FKBP7: variants seen among roughly 807,000 people sequenced by gnomAD.
FKBP7 encodes FKBP prolyl isomerase 7.
In FKBP7, 24 loss-of-function variants were observed where a neutral mutation model predicts 24.3. The ratio of observed to expected loss-of-function variants is 0.99; its 90% confidence interval spans 0.72 to 1.39. The LOEUF is 1.39. Ranked by LOEUF, FKBP7 falls within the 40% of genes most tolerant of loss-of-function variation. The pLI is 0.00. For synonymous variants in FKBP7, 98 were observed against 92.8 expected (o/e 1.06, Z -0.32); for missense variants, 257 against 269.5 (o/e 0.95, Z 0.33).
At chr2:178,473,709 A>G (rs1009052860) in intron 2 of FKBP7, among the ~76,000 whole-genome samples, 6 of 152,234 alleles carry the variant, frequency 3.9e-5, no homozygotes, top group Non-Finnish European at 8.8e-5. Flanking sequence ...GACAGAAAGG[A>G]AAACTTTGAA....
chr2:178,478,289 A>G lies in FKBP7; in HGVS notation c.211T>C (p.Phe71Leu). The change falls in exon 1 of 4, where the codon TTC becomes CTC. Residue 71 changes from phenylalanine to leucine, a missense_variant. By Grantham distance (22) the Phe-to-Leu change is conservative (BLOSUM62 0). Coordinates refer to ENST00000424785, the MANE Select transcript of FKBP7 (RefSeq NM_181342.3). ...CGCAGCATTTCCTACCTGCAGTAGA[A>G]TTTCGAGCCGTCTTTAGCCAGGTAG... ...DGYLAKDGSKFYCSRTQNEGH... is the reference protein window; with the variant it reads ...DGYLAKDGSKLYCSRTQNEGH... 2 of 1,614,012 alleles carry G rather than the reference A, an allele frequency of 1.2e-6. No homozygotes were observed. Among genetic ancestry groups the G allele is most frequent in the Non-Finnish European group, 1.7e-6 (2 of 1,179,996 alleles).
intron 2 of FKBP7, among the ~76,000 whole-genome samples, chr2:178,475,690 T>C (rs1022111529): frequency 1.3e-5 from 2 of 152,252 alleles, no homozygotes; most frequent in Non-Finnish European, 2.9e-5. Context: ...ATGAATAAAA[T>C]TAAGTATTCT....
Position 178,464,511 on chromosome 2 carries a change from C to G in FKBP7, c.*1259G>C, listed in dbSNP as rs933860413. ...GGGAGAATGAATGCAAGAGGAACTA[C>G]CAAACACTTATAAAACCATCAGATT... On this transcript the variant is annotated 3_prime_UTR_variant, in exon 4 of 4. Transcript: ENST00000424785. 6.6e-6 allele frequency: 1 copy of G among 152,134 alleles called. No homozygotes were observed. The highest frequency in any genetic ancestry group is 1.5e-5 in the Non-Finnish European group (1 of 68,038). The allele number at this position is 152,134 out of a possible 1,614,324, so 9.4% of individuals were successfully genotyped here.
At chr2:178,469,532 C>T in intron 3 of FKBP7, 120 bp downstream of exon 3, 2 of 1,023,316 alleles carry the variant, frequency 2.0e-6, no homozygotes, top group Non-Finnish European at 2.9e-6. Flanking sequence ...GTGACCAGCT[C>T]TATAAAAGCA....
chr2:178,474,105 C>T (rs186937995), intron 2 of FKBP7, among the ~76,000 whole-genome samples: 119 of 152,300 alleles, frequency 7.8e-4, no homozygotes, highest in Non-Finnish European at 3.4e-4. Context: ...ACAACTGCCT[C>T]AAAGAAGGCA....
chr2:178,473,213 G>T, intron 2 of FKBP7: 1 of 627,296 alleles, frequency 1.6e-6, no homozygotes, highest in Non-Finnish European at 2.7e-6. Context: ...TAATCAAGAG[G>T]TTGTTTGTTA....
intron 2 of FKBP7, among the ~76,000 whole-genome samples, chr2:178,472,017 T>C (rs1230667304): frequency 6.6e-6 from 1 of 152,178 alleles, no homozygotes; most frequent in African/African-American, 2.4e-5. Context: ...GACAGAATTA[T>C]TGTCTCCTGA....
intron 3 of FKBP7, among the ~76,000 whole-genome samples, chr2:178,467,304 G>A (rs912427162): frequency 1.8e-4 from 28 of 151,796 alleles, no homozygotes; most frequent in Admixed American, 1.3e-3. Flanking sequence ...TATTTCCCCC[G>A]TCCTTTCCGT....
At chr2:178,467,402 A>G (rs1684700761) in intron 3 of FKBP7, among the ~76,000 whole-genome samples, 1 of 152,074 alleles carries the variant, frequency 6.6e-6, no homozygotes, top group Non-Finnish European at 1.5e-5. Flanking sequence ...AATCTTTCTG[A>G]CAATGAATAA....
At chr2:178,472,293 T>C (rs1229688250) in intron 2 of FKBP7, among the ~76,000 whole-genome samples, 1 of 152,028 alleles carries the variant, frequency 6.6e-6, no homozygotes, top group African/African-American at 2.4e-5. Context: ...CAGGCTGGTC[T>C]TGAACTCCTA....
chr2:178,466,740 T>A (rs1479947471), intron 3 of FKBP7, among the ~76,000 whole-genome samples: 1 of 152,226 alleles, frequency 6.6e-6, no homozygotes, highest in Non-Finnish European at 1.5e-5. Flanking sequence ...TTTTACTTTT[T>A]AAGATGTGAC....
chr2:178,471,487 A>G (rs891665770), intron 2 of FKBP7, among the ~76,000 whole-genome samples: 1 of 152,172 alleles, frequency 6.6e-6, no homozygotes, highest in African/African-American at 2.4e-5. Context: ...TGCTGGGATT[A>G]CAGGCGTGAG....
intron 2 of FKBP7, among the ~76,000 whole-genome samples, chr2:178,474,561 C>T (rs1169338264): frequency 6.6e-6 from 1 of 151,830 alleles, no homozygotes; most frequent in African/African-American, 2.4e-5. Flanking sequence ...TGTGAAACTC[C>T]TCCTCTGAAA....
chr2:178,469,937 C>T, intron 2 of FKBP7, 152 bp from the exon 3 acceptor site: 2 of 541,942 alleles, frequency 3.7e-6, no homozygotes, highest in South Asian at 5.7e-5. Context: ...TCTTTTATAA[C>T]TTTTTTCGGC....
At chr2:178,469,925 C>T in intron 2 of FKBP7, 140 bp from the exon 3 acceptor site, 1 of 626,704 alleles carries the variant, frequency 1.6e-6, no homozygotes. Flanking sequence ...AATTTTTTCT[C>T]ATCTTTTATA....
chr2:178,476,638 T>A (rs1685007151), intron 2 of FKBP7, among the ~76,000 whole-genome samples: 1 of 152,074 alleles, frequency 6.6e-6, no homozygotes, highest in African/African-American at 2.4e-5. Flanking sequence ...TTTAGCATAA[T>A]GTCCTCAAGG....
intron 1 of FKBP7, 52 bp downstream of exon 1, chr2:178,478,227 C>A (rs1306420945): frequency 1.9e-6 from 3 of 1,603,354 alleles, no homozygotes; most frequent in Admixed American, 1.7e-5. Context: ...TTGGTGGAGG[C>A]AGGCAAGATT....
intron 2 of FKBP7, among the ~76,000 whole-genome samples, chr2:178,475,584 C>T (rs1684977396): frequency 6.6e-6 from 1 of 152,152 alleles, no homozygotes; most frequent in East Asian, 1.9e-4. Context: ...TTTCCATTCC[C>T]AGCAATAATG....
intron 2 of FKBP7, among the ~76,000 whole-genome samples, chr2:178,475,248 G>T (rs1470370102): frequency 1.3e-5 from 2 of 149,554 alleles, no homozygotes; most frequent in Non-Finnish European, 1.5e-5. Context: ...TTTTTTTTTT[G>T]AGATGGAGTC....
Sources: allele counts gnomAD v4.1 joint callset (sites outside exome capture counted in the v4.1 genomes callset), GRCh38; gene constraint gnomAD v4.1.1; transcripts MANE v1.5; gene names NCBI Gene and HGNC (gene_info 2026-07-23, HGNC 2026-07-21).